The following MAGI1 variants were observed in gnomAD, a reference collection of about 807,000 sequenced individuals.
The protein encoded by MAGI1 is membrane-associated guanylate kinase, WW and PDZ domain-containing protein 1.
A neutral mutation model predicts 139.9 loss-of-function variants in MAGI1; 58 were observed. That is an observed-to-expected ratio of 0.41 (90% CI 0.34 to 0.52). The LOEUF is 0.52. Ranked by LOEUF, MAGI1 falls within the 20% of genes least tolerant of loss-of-function variation. The probability of loss-of-function intolerance (pLI) is 0.12; values close to 1 mark genes in which losing one functional copy is unlikely to be tolerated. For missense variants in MAGI1, 1,874 were observed against 1,901.6 expected, an observed-to-expected ratio of 0.99 and a Z score of 0.27; for synonymous variants, 812 against 737.9, an observed-to-expected ratio of 1.10 and a Z score of -1.63.
intron 1 of MAGI1, among the ~76,000 whole-genome samples, chr3:66,025,285 TC>T (rs66696873): frequency 9.3e-4 from 142 of 152,338 alleles, no homozygotes; most frequent in Non-Finnish European, 1.7e-3. Context: ...ACGCCTGTAA[TC>T]CCAGCACTTT....
intron 1 of MAGI1, among the ~76,000 whole-genome samples, chr3:65,906,019 C>T (rs1386926666): frequency 6.6e-6 from 1 of 152,136 alleles, no homozygotes; most frequent in African/African-American, 2.4e-5. Context: ...AAAACATAAC[C>T]TTGCTTTTGC....
At chr3:65,686,690 C>T (rs1297593517) in intron 1 of MAGI1, among the ~76,000 whole-genome samples, 1 of 152,168 alleles carries the variant, frequency 6.6e-6, no homozygotes. Context: ...ATGAATTATG[C>T]TATGGCATGC....
intron 1 of MAGI1, among the ~76,000 whole-genome samples, chr3:65,814,884 T>C (rs954205225): frequency 6.6e-6 from 1 of 152,224 alleles, no homozygotes; most frequent in Non-Finnish European, 1.5e-5. Flanking sequence ...GGCATTTTAA[T>C]AGGCAGCTTA....
chr3:65,565,252 G>A (rs890295993), intron 2 of MAGI1, among the ~76,000 whole-genome samples: 1 of 152,156 alleles, frequency 6.6e-6, no homozygotes, highest in African/African-American at 2.4e-5. Flanking sequence ...TATGTCAGGT[G>A]CAGGCTAACT....
intron 1 of MAGI1, among the ~76,000 whole-genome samples, chr3:65,837,393 C>T (rs1485748799): frequency 6.6e-6 from 1 of 152,170 alleles, no homozygotes; most frequent in Non-Finnish European, 1.5e-5. Flanking sequence ...ATGGTTGATG[C>T]CACGACCTCC....
chr3:65,668,657 C>T (rs1395556397), intron 1 of MAGI1, among the ~76,000 whole-genome samples: 2 of 149,946 alleles, frequency 1.3e-5, no homozygotes, highest in Non-Finnish European at 3.0e-5. Context: ...ACCTCTGCCC[C>T]CTAGGTTCAA....
At chr3:65,503,713 A>C (rs2077171711) in intron 2 of MAGI1, among the ~76,000 whole-genome samples, 1 of 152,232 alleles carries the variant, frequency 6.6e-6, no homozygotes, top group South Asian at 2.1e-4. Flanking sequence ...ATAAATAAGG[A>C]CTTGGCATTT....
chr3:65,532,992 A>G (rs1456249071), intron 2 of MAGI1: 1 of 152,252 alleles, frequency 6.6e-6, no homozygotes, highest in Non-Finnish European at 1.5e-5. Flanking sequence ...AGCATGTGAT[A>G]GCACAGGAAT....
At chr3:65,732,230 G>C (rs1393471337) in intron 1 of MAGI1, among the ~76,000 whole-genome samples, 1 of 152,138 alleles carries the variant, frequency 6.6e-6, no homozygotes, top group African/African-American at 2.4e-5. Context: ...TGCAGTCCAG[G>C]TGCTCTGCAC....
chr3:65,867,817 C>G (rs958408268), intron 1 of MAGI1, among the ~76,000 whole-genome samples: 2 of 152,092 alleles, frequency 1.3e-5, no homozygotes, highest in South Asian at 4.1e-4. Flanking sequence ...CAGCTCCACA[C>G]CCTAGCCCCC....
At chr3:65,461,639 C>A (rs1240748044) in intron 5 of MAGI1, among the ~76,000 whole-genome samples, 1 of 151,912 alleles carries the variant, frequency 6.6e-6, no homozygotes, top group Non-Finnish European at 1.5e-5. Flanking sequence ...CAGGCGCCCG[C>A]CACCACGCCT....
Position 65,379,563 on chromosome 3 carries a change from G to C in MAGI1, c.2702-9C>G. The C allele has an allele frequency of 6.2e-7, 1 of 1,602,556 alleles. No homozygotes were observed. Among genetic ancestry groups the C allele is most frequent in the Middle Eastern group, 1.7e-4 (1 of 5,988 alleles). On this transcript the variant is annotated splice_polypyrimidine_tract_variant and intron_variant, in intron 16 of 22. Transcript: ENST00000402939. ...GTTCTCGGTTTTGGGCACTGTAGCA[G>C]AGAGATGCACGCGTACATCACCGTG...
chr3:65,481,062 G>A (rs1365036719), intron 3 of MAGI1, among the ~76,000 whole-genome samples: 14 of 152,170 alleles, frequency 9.2e-5, no homozygotes, highest in Admixed American at 3.3e-4. Context: ...AGAGCATCAC[G>A]TTCAAATTTG....
At chr3:65,485,116 T>G (rs1469258624) in intron 3 of MAGI1, among the ~76,000 whole-genome samples, 1 of 152,194 alleles carries the variant, frequency 6.6e-6, no homozygotes, top group African/African-American at 2.4e-5. Flanking sequence ...GGATCCAGTT[T>G]TTAATAGCAT....
chr3:65,493,875 G>A (rs989573974), intron 2 of MAGI1, among the ~76,000 whole-genome samples: 10 of 152,092 alleles, frequency 6.6e-5, no homozygotes, highest in African/African-American at 9.7e-5. Flanking sequence ...AGCACCGCTG[G>A]GTAACCTAGA....
chr3:65,598,481 C>T (rs918300904), intron 2 of MAGI1, among the ~76,000 whole-genome samples: 3 of 152,152 alleles, frequency 2.0e-5, no homozygotes, highest in Non-Finnish European at 4.4e-5. Flanking sequence ...CTGACTTCTG[C>T]CTTTCTGCCT....
chr3:65,926,364 T>TCTCTCTCTCA, intron 1 of MAGI1, among the ~76,000 whole-genome samples: 2 of 150,500 alleles, frequency 1.3e-5, no homozygotes, highest in Non-Finnish European at 3.0e-5. Flanking sequence ...TCTCTCTCTC[T>TCTCTCTCTCA]CTCTCCCTCT....
rs746483958 is a variant in MAGI1, at chr3:65,391,164, G to A, written c.2394C>T (p.Ser798=). 3 of 1,614,198 alleles carry A rather than the reference G, an allele frequency of 1.9e-6. No homozygotes were observed. Among genetic ancestry groups the A allele is most frequent in the South Asian group, 1.1e-5 (1 of 91,078 alleles). ...KPDPFKIWAQ[S]RSMYENRLPD... is the part of the protein sequence containing the mutation. ...CACGTCGGTTTTCATACATGCTCCT[G>A]GACTGGGCCCAGATTTTAAAAGGAT... Residue 798 remains serine (S), a synonymous_variant, in exon 14 of 23, where the codon TCC becomes TCT. Transcript: ENST00000402939.
Position 65,954,948 on chromosome 3 carries a change from C to T in MAGI1, c.313+83048G>A, listed in dbSNP as rs1054244698. ...AACAAAAGAGGTACAACTGTTACCT[C>T]CACTGAGAGATGAAAGAATTGAGAC... is the stretch of plus-strand genomic sequence containing the variant. On this transcript the variant is annotated intron_variant, in intron 1 of 22. Coordinates refer to ENST00000402939, the MANE Select transcript of MAGI1 (RefSeq NM_001033057.2). 4.6e-5 allele frequency among the ~76,000 whole-genome samples: 7 copies of T among 152,234 alleles called. No homozygotes were observed. In the South Asian group the frequency reaches 1.0e-3, roughly 23 times the overall value.
Sources: allele counts gnomAD v4.1 joint callset (sites outside exome capture counted in the v4.1 genomes callset), GRCh38; gene constraint gnomAD v4.1.1; transcripts MANE v1.5; gene names NCBI Gene and HGNC (gene_info 2026-07-23, HGNC 2026-07-21).